TMEM266: variants seen among roughly 807,000 people sequenced by gnomAD.
TMEM266 encodes the protein Hv1 related protein 1.
Under a neutral mutation model 50.5 loss-of-function variants are expected in TMEM266, and 33 were observed. That is an observed-to-expected ratio of 0.65 (90% confidence interval 0.50 to 0.87). TMEM266 has a LOEUF of 0.87. Among genes scored for constraint, TMEM266 ranks in the 40% least tolerant of loss-of-function variants. TMEM266 has a pLI of 0.00. For missense variants in TMEM266, 655 were observed against 695.1 expected, an observed-to-expected ratio of 0.94 and a Z score of 0.65; for synonymous variants, 310 against 292.3, an observed-to-expected ratio of 1.06 and a Z score of -0.62.
At chr15:76,150,765 G>A (rs764307540) in intron 3 of TMEM266, among the ~76,000 whole-genome samples, 1 of 152,206 alleles carries the variant, frequency 6.6e-6, no homozygotes, top group Non-Finnish European at 1.5e-5. Flanking sequence ...GCTTGGGAAC[G>A]CTGCCTGACA....
At chr15:76,061,606 G>C (rs2036305435) in intron 1 of TMEM266, among the ~76,000 whole-genome samples, 1 of 152,222 alleles carries the variant, frequency 6.6e-6, no homozygotes, top group Admixed American at 6.5e-5. Context: ...TTTCCAGTAA[G>C]AAAAGCAGTT....
rs984343297 is a variant in TMEM266, at chr15:76,161,403, C to T, written c.456+1235C>T. ...GCAGAGGCACTGAGGTGGGGAACCC[C>T]GGGAGTCAGGAGTCCCAGCATCCTC... On this transcript the variant is annotated intron_variant, in intron 5 of 10. Transcript: ENST00000388942. The surrounding 1 kb of genome is among the most constrained non-coding windows in gnomAD (Gnocchi z 4.1). Among the ~76,000 whole-genome samples, 14 of 151,998 alleles carry T rather than the reference C, an allele frequency of 9.2e-5. No individual in the cohort carries two copies. Among genetic ancestry groups the T allele is most frequent in the African/African-American group, 3.4e-4 (14 of 41,360 alleles).
intron 1 of TMEM266, among the ~76,000 whole-genome samples, chr15:76,083,826 A>C (rs1467841962): frequency 6.6e-6 from 1 of 152,142 alleles, no homozygotes; most frequent in East Asian, 1.9e-4. Flanking sequence ...GGCCATCATC[A>C]AACAGTGGTA....
At chr15:76,060,487 C>T (rs1471174921) in intron 1 of TMEM266, among the ~76,000 whole-genome samples, 1 of 151,726 alleles carries the variant, frequency 6.6e-6, no homozygotes, top group Admixed American at 6.5e-5. Context: ...TTGGTCGTGA[C>T]CACTTCCTAG....
chr15:76,124,571 G>A (rs2037391105), intron 1 of TMEM266, among the ~76,000 whole-genome samples: 1 of 152,088 alleles, frequency 6.6e-6, no homozygotes. Flanking sequence ...GTCTTAGGCA[G>A]GAGAATTGCT....
intron 3 of TMEM266, among the ~76,000 whole-genome samples, chr15:76,140,893 CA>C (rs1298022509): frequency 6.6e-6 from 1 of 151,534 alleles, no homozygotes; most frequent in Non-Finnish European, 1.5e-5. Context: ...AAAAATTAGC[CA>C]GGCATGGTGG....
intron 1 of TMEM266, among the ~76,000 whole-genome samples, chr15:76,074,164 A>G (rs1195548928): frequency 6.6e-6 from 1 of 152,108 alleles, no homozygotes; most frequent in Non-Finnish European, 1.5e-5. Flanking sequence ...TAATCCTACT[A>G]CCCATAGATA....
chr15:76,139,460 G>T lies in TMEM266; in HGVS notation c.227+1565G>T, dbSNP rs2037642879. On this transcript the variant is annotated intron_variant, in intron 3 of 10. Transcript: ENST00000388942. The surrounding 1 kb of genome is among the most constrained non-coding windows in gnomAD (Gnocchi z 4.1). ...CTTGAAGGCCGGGCTGAAACCTGAG[G>T]CCCCTGGGCCAGGGCCAGCTTCGTG... Among the ~76,000 whole-genome samples the T allele has an allele frequency of 6.6e-6, 1 of 152,230 alleles. No homozygotes were observed. Among genetic ancestry groups the T allele is most frequent in the Non-Finnish European group, 1.5e-5 (1 of 68,044 alleles).
intron 1 of TMEM266, among the ~76,000 whole-genome samples, chr15:76,080,521 T>A (rs1052655606): frequency 6.6e-6 from 1 of 151,468 alleles, no homozygotes; most frequent in Non-Finnish European, 1.5e-5. Context: ...AGTGCTGGGA[T>A]TACAGGCGTG....
intron 1 of TMEM266, among the ~76,000 whole-genome samples, chr15:76,107,173 A>G (rs1461607301): frequency 6.6e-6 from 1 of 152,262 alleles, no homozygotes; most frequent in East Asian, 1.9e-4. Context: ...TTATTTAACC[A>G]ATATGTCCAG....
Position 76,160,652 on chromosome 15 carries a change from G to A in TMEM266, c.456+484G>A, listed in dbSNP as rs2038004399. Among the ~76,000 whole-genome samples, 1 of 152,212 alleles carries A rather than the reference G, an allele frequency of 6.6e-6. No individual in the cohort carries two copies. Among genetic ancestry groups the A allele is most frequent in the South Asian group, 2.1e-4 (1 of 4,834 alleles). On this transcript the variant is annotated intron_variant, in intron 5 of 10. Coordinates refer to ENST00000388942, the MANE Select transcript of TMEM266 (RefSeq NM_152335.3). This position sits in a 1 kb window ranked among gnomAD's most constrained non-coding sequence, Gnocchi z 5.7. ...GAACGGGGTCACAGGGCCAGGCAGTGGACCTGACCTGGTCCTGCAGGGGCC... is the reference window on the plus strand; with the variant it reads ...GAACGGGGTCACAGGGCCAGGCAGTAGACCTGACCTGGTCCTGCAGGGGCC...
chr15:76,124,282 A>T (rs1390321792), intron 1 of TMEM266, among the ~76,000 whole-genome samples: 1 of 152,246 alleles, frequency 6.6e-6, no homozygotes, highest in Non-Finnish European at 1.5e-5. Flanking sequence ...AACCACAGGG[A>T]AACAAGCATA....
chr15:76,150,296 G>A (rs1366247990), intron 3 of TMEM266, among the ~76,000 whole-genome samples: 2 of 152,198 alleles, frequency 1.3e-5, no homozygotes, highest in East Asian at 3.8e-4. Context: ...AGCAGCTGGG[G>A]AAGCCCAGGG....
At chr15:76,183,103 C>CTTTTTTTTTTTTTTTTTTTTTTTT (rs71140199) in intron 8 of TMEM266, among the ~76,000 whole-genome samples, 1 of 44,126 alleles carries the variant, frequency 2.3e-5, no homozygotes, top group Non-Finnish European at 3.8e-5. Context: ...CATTTTGTGG[C>CTTTTTTTTTTTTTTTTTTTTTTTT]TTTTTTTTTT....
chr15:76,145,741 T>C lies in TMEM266; in HGVS notation c.227+7846T>C, dbSNP rs189144428. ...AATTTCATCCAGCGTCTCTAGACAT[T>C]GTTTGGTTTGGGAAAGCTCTGCCTT... On this transcript the variant is annotated intron_variant, in intron 3 of 10. Transcript: ENST00000388942. Among the ~76,000 whole-genome samples, 47 of 152,350 alleles carry C rather than the reference T, an allele frequency of 3.1e-4. No homozygotes were observed. The East Asian group carries it at 8.3e-3, about 27-fold the overall frequency.
chr15:76,187,483 G>A (rs2038504801), intron 8 of TMEM266, among the ~76,000 whole-genome samples: 1 of 152,252 alleles, frequency 6.6e-6, no homozygotes. Context: ...TGGGAGGGTT[G>A]CCTTATGGGC....
chr15:76,171,040 A>C lies in TMEM266; in HGVS notation c.561A>C (p.Ala187=). ...TCCTATCTTTGGCTCCGATGGTGGCATCCACTGTGGCCAATGGACCCAGGA... is the reference window on the plus strand; with the variant it reads ...TCCTATCTTTGGCTCCGATGGTGGCCTCCACTGTGGCCAATGGACCCAGGA... Residue 187 remains alanine (A), a synonymous_variant, in exon 7 of 11, where the codon GCA becomes GCC. Transcript: ENST00000388942. 2 of 1,613,252 alleles carry C rather than the reference A, an allele frequency of 1.2e-6. No individual in the cohort carries two copies. The highest frequency in any genetic ancestry group is 1.7e-6 in the Non-Finnish European group (2 of 1,179,684).
chr15:76,080,888 G>A (rs1365402185), intron 1 of TMEM266, among the ~76,000 whole-genome samples: 2 of 151,992 alleles, frequency 1.3e-5, no homozygotes, highest in Non-Finnish European at 2.9e-5. Flanking sequence ...TAGGACTACA[G>A]GCGTGCACCA....
At chr15:76,085,185 T>C (rs1393294202) in intron 1 of TMEM266, among the ~76,000 whole-genome samples, 1 of 151,766 alleles carries the variant, frequency 6.6e-6, no homozygotes, top group Non-Finnish European at 1.5e-5. Context: ...GGTCTCTATC[T>C]CCTGACCTTG....
Sources: gnomAD v4.1 joint callset for allele counts (sites outside exome capture counted in the v4.1 genomes callset) on GRCh38, gnomAD v4.1.1 for gene constraint, Gnocchi (gnomAD v3.1) non-coding constraint, MANE v1.5 for transcripts, NCBI Gene and HGNC (gene_info 2026-07-23, HGNC 2026-07-21) for gene names.